ATP2C1: variants seen among roughly 807,000 people sequenced by gnomAD.
ATP2C1 encodes the protein calcium-transporting ATPase type 2C member 1.
A neutral mutation model predicts 120.5 loss-of-function variants in ATP2C1; 31 were observed. That is an observed-to-expected ratio of 0.26 (90% CI 0.19 to 0.35). ATP2C1 has a LOEUF of 0.35. Among genes scored for constraint, ATP2C1 ranks in the 10% least tolerant of loss-of-function variants. ATP2C1 has a pLI of 1.00. For synonymous variants in ATP2C1, 351 were observed against 358.7 expected (o/e 0.98, Z 0.24); for missense variants, 731 against 1,107.5 (o/e 0.66, Z 4.83).
chr3:130,855,947 C>A (rs1034934732), intron 1 of ATP2C1: 1 of 152,194 alleles, frequency 6.6e-6, no homozygotes, highest in Non-Finnish European at 1.5e-5. Context: ...TTTGGGATGA[C>A]CTGTACCAAT....
At chr3:130,971,022 A>G (rs2061291040) in intron 17 of ATP2C1, among the ~76,000 whole-genome samples, 1 of 152,176 alleles carries the variant, frequency 6.6e-6, no homozygotes. Context: ...AAAATACAAT[A>G]CCTTTCACTT....
chr3:130,995,587 AAAAT>A (rs2062576833), intron 22 of ATP2C1, among the ~76,000 whole-genome samples: 1 of 152,192 alleles, frequency 6.6e-6, no homozygotes, highest in African/African-American at 2.4e-5. Context: ...ATTCTTTGCT[AAAAT>A]AAATGTTTCC....
intron 4 of ATP2C1, among the ~76,000 whole-genome samples, chr3:130,932,822 G>T (rs1487061084): frequency 6.6e-6 from 1 of 152,050 alleles, no homozygotes; most frequent in African/African-American, 2.4e-5. Flanking sequence ...TTAACCTGCG[G>T]TCTTTCTAAA....
intron 12 of ATP2C1, among the ~76,000 whole-genome samples, chr3:130,962,543 TC>T (rs2060864416): frequency 6.6e-6 from 1 of 151,724 alleles, no homozygotes; most frequent in Non-Finnish European, 1.5e-5. Flanking sequence ...TGCCTTCAAG[TC>T]CAGGAATAGT....
intron 23 of ATP2C1, chr3:130,996,351 A>G (rs2062622187): frequency 3.4e-6 from 2 of 581,870 alleles, no homozygotes; most frequent in African/African-American, 1.9e-5. Context: ...GATTTATTTA[A>G]TAGCTCACAT....
chr3:130,856,897 G>C (rs1439737074), intron 1 of ATP2C1, among the ~76,000 whole-genome samples: 1 of 152,208 alleles, frequency 6.6e-6, no homozygotes, highest in African/African-American at 2.4e-5. Context: ...AAGCATGTGG[G>C]AGTTATTTAC....
At chr3:130,959,465 A>T in intron 12 of ATP2C1, 124 bp downstream of exon 12, 1 of 638,036 alleles carries the variant, frequency 1.6e-6, no homozygotes, top group Non-Finnish European at 2.8e-6. Flanking sequence ...ACATCGCTAC[A>T]TAAATAGTTC....
Position 131,002,808 on chromosome 3 carries a change from A to G in ATP2C1, c.*1458A>G, listed in dbSNP as rs980573661. ...ATTGTCATTGATAGGGAAAATATCT[A>G]TTCTTTGAGTCATTGTTACTGAGGC... On this transcript the variant is annotated 3_prime_UTR_variant, in exon 28 of 28. Coordinates refer to ENST00000510168, the MANE Select transcript of ATP2C1 (RefSeq NM_001378687.1). The G allele has an allele frequency of 2.0e-6, 2 of 985,702 alleles. No individual in the cohort carries two copies. The highest frequency in any genetic ancestry group is 2.4e-6 in the Non-Finnish European group (2 of 829,920). The allele number at this position is 985,702 out of a possible 1,614,324, so 61.1% of individuals were successfully genotyped here.
chr3:131,016,428 G>T, exon 27 of ATP2C1: 1 of 1,406,456 alleles, frequency 7.1e-7, no homozygotes, highest in Non-Finnish European at 9.8e-7. Flanking sequence ...ATTCTATAAA[G>T]AAAGAAATTA....
intron 17 of ATP2C1, among the ~76,000 whole-genome samples, chr3:130,970,579 A>G (rs1348204434): frequency 6.6e-6 from 1 of 151,960 alleles, no homozygotes; most frequent in Non-Finnish European, 1.5e-5. Flanking sequence ...TTTTTTGTAG[A>G]GATGGGATCT....
At chr3:130,993,602 C>G (rs565044054) in intron 21 of ATP2C1, among the ~76,000 whole-genome samples, 51 of 152,264 alleles carry the variant, frequency 3.3e-4, no homozygotes, top group African/African-American at 7.9e-4. Context: ...AGTAACATCC[C>G]CCAAATCCTG....
chr3:130,972,346 C>T (rs1321964688), intron 17 of ATP2C1, among the ~76,000 whole-genome samples: 2 of 152,102 alleles, frequency 1.3e-5, no homozygotes, highest in East Asian at 3.9e-4. Flanking sequence ...TTGAGCTAAG[C>T]TCTTTGTTCA....
intron 1 of ATP2C1, among the ~76,000 whole-genome samples, chr3:130,872,311 C>T (rs1443006028): frequency 6.6e-6 from 1 of 152,054 alleles, no homozygotes; most frequent in Non-Finnish European, 1.5e-5. Flanking sequence ...ATTATAAAGA[C>T]TCTGAATAAC....
intron 8 of ATP2C1, among the ~76,000 whole-genome samples, chr3:130,952,270 C>T (rs1443729844): frequency 6.6e-6 from 1 of 152,068 alleles, no homozygotes; most frequent in African/African-American, 2.4e-5. Flanking sequence ...GCTGATTATC[C>T]TACTGTGTAT....
intron 4 of ATP2C1, among the ~76,000 whole-genome samples, chr3:130,934,281 ATCT>A (rs886299310): frequency 6.6e-6 from 1 of 152,192 alleles, no homozygotes; most frequent in Non-Finnish European, 1.5e-5. Flanking sequence ...CTTAAAAATC[ATCT>A]TCTCCTGCTT....
intron 26 of ATP2C1, chr3:131,015,380 G>A: frequency 3.4e-6 from 2 of 585,580 alleles, no homozygotes; most frequent in Non-Finnish European, 6.0e-6. Flanking sequence ...CCTCCTGGAT[G>A]GTCAATTACC....
chr3:130,937,190 G>A (rs1257979252), intron 5 of ATP2C1, among the ~76,000 whole-genome samples: 3 of 152,132 alleles, frequency 2.0e-5, no homozygotes, highest in Non-Finnish European at 4.4e-5. Context: ...ATTTGTGAGA[G>A]CATAAAAGGG....
In ATP2C1 at chr3:130,979,399, A is replaced by G. The variant is rs754861433; in HGVS notation, c.1721A>G (p.Gln574Arg). The change falls in exon 19 of 28, where the codon CAG becomes CGG. Residue 574 changes from glutamine (Q) to arginine (R), a missense_variant. Gln to Arg is a conservative substitution (Grantham distance 43, BLOSUM62 1). Coordinates refer to ENST00000510168, the MANE Select transcript of ATP2C1 (RefSeq NM_001378687.1). ...VSIKMITGDS[Q>R]ETAVAIASRL... Reference sequence around the variant, plus strand: ...ATAAAAATGATTACTGGAGATTCACAGGAGACTGCAGTTGCAATCGGTATA... The same window carrying G: ...ATAAAAATGATTACTGGAGATTCACGGGAGACTGCAGTTGCAATCGGTATA... 6.2e-7 allele frequency: 1 copy of G among 1,613,500 alleles called. No homozygotes were observed. Among genetic ancestry groups the G allele is most frequent in the South Asian group, 1.1e-5 (1 of 91,078 alleles).
At chr3:130,971,226 T>C (rs1032455302) in intron 17 of ATP2C1, among the ~76,000 whole-genome samples, 1 of 152,236 alleles carries the variant, frequency 6.6e-6, no homozygotes, top group South Asian at 2.1e-4. Flanking sequence ...ATAATTTTAC[T>C]TTTCAGGAAC....
Sources: allele counts gnomAD v4.1 joint callset (sites outside exome capture counted in the v4.1 genomes callset), GRCh38; gene constraint gnomAD v4.1.1; transcripts MANE v1.5; gene names NCBI Gene and HGNC (gene_info 2026-07-23, HGNC 2026-07-21).